CRACD: variants seen among roughly 807,000 people sequenced by gnomAD.
CRACD encodes capping protein inhibiting regulator of actin dynamics.
Under a neutral mutation model 106.8 loss-of-function variants are expected in CRACD, and 56 were observed. The observed-to-expected ratio is 0.52, with a 90% CI of 0.42 to 0.66. The LOEUF (loss-of-function observed/expected upper bound fraction) is 0.66. Ranked by LOEUF, CRACD falls within the 30% of genes least tolerant of loss-of-function variation. The pLI, the probability that CRACD is intolerant of heterozygous loss-of-function variation, is 0.00. For synonymous variants in CRACD, 754 were observed against 670.8 expected (o/e 1.12, Z -1.92); for missense variants, 1,730 against 1,623.2 (o/e 1.07, Z -1.13).
chr4:56,316,028 C>T lies in CRACD; in HGVS notation c.2526C>T (p.Ala842=), dbSNP rs369315241. ...DPVMPGGEEK[A]SPFGIKLRRT... is the part of the protein sequence containing the mutation. Reference sequence around the variant, plus strand: ...TGATGCCAGGTGGAGAGGAAAAAGCCTCACCGTTTGGAATAAAATTGAGAA... The same window carrying T: ...TGATGCCAGGTGGAGAGGAAAAAGCTTCACCGTTTGGAATAAAATTGAGAA... Residue 842 remains alanine, a synonymous_variant, in exon 8 of 11, where the codon GCC becomes GCT. Transcript: ENST00000682029. 1.4e-5 allele frequency: 23 copies of T among 1,614,118 alleles called. No individual in the cohort carries two copies. In the African/African-American group the frequency reaches 1.6e-4, roughly 11 times the overall value.
At chr4:56,161,434 C>A (rs186747226) in intron 1 of CRACD, among the ~76,000 whole-genome samples, 1 of 151,866 alleles carries the variant, frequency 6.6e-6, no homozygotes. Context: ...CAAATGAAAT[C>A]TCTTCATTTT....
rs1425003384 is a variant in CRACD, at chr4:56,310,721, A to T, written c.341A>T (p.Glu114Val). 3.1e-6 allele frequency: 5 copies of T among 1,605,826 alleles called. No homozygotes were observed. Among genetic ancestry groups the T allele is most frequent in the Non-Finnish European group, 4.3e-6 (5 of 1,172,866 alleles). ...SPLNLPGAGSEMEEKVAPVKP... is the reference protein window; with the variant it reads ...SPLNLPGAGSVMEEKVAPVKP... Reference sequence around the variant, plus strand: ...CTGAATCTCCCTGGAGCTGGAAGTGAGATGGAAGAGAAGGTAATATGATTT... The same window carrying T: ...CTGAATCTCCCTGGAGCTGGAAGTGTGATGGAAGAGAAGGTAATATGATTT... The change falls in exon 6 of 11, where the codon GAG becomes GTG. Residue 114 changes from glutamate (E) to valine (V), a missense_variant. Glu to Val is a moderately radical substitution (Grantham distance 121). This residue lies in a region of CRACD where 1,620 missense variants were observed against 1,481.6 expected (regional missense o/e 1.09). Coordinates refer to ENST00000682029, the MANE Select transcript of CRACD (RefSeq NM_001393381.1).
chr4:56,297,127 G>A (rs535650743), intron 3 of CRACD, among the ~76,000 whole-genome samples: 1 of 151,888 alleles, frequency 6.6e-6, no homozygotes, highest in Non-Finnish European at 1.5e-5. Context: ...ATTTTTAGTA[G>A]AGACGGGGTT....
At chr4:56,307,811 T>C (rs1400707661) in intron 5 of CRACD, 112 bp downstream of exon 5, 10 of 1,083,456 alleles carry the variant, frequency 9.2e-6, no homozygotes, top group Admixed American at 2.2e-5. Context: ...GCTTTTCTCA[T>C]GAGTAGCTCA....
intron 6 of CRACD, chr4:56,311,355 G>A (rs993600109): frequency 2.0e-5 from 3 of 152,496 alleles, no homozygotes; most frequent in African/African-American, 4.8e-5. Context: ...TGCTCCTGAA[G>A]AAGGGGATGG....
At chr4:56,167,089 C>A (rs1736182503) in intron 1 of CRACD, among the ~76,000 whole-genome samples, 1 of 152,036 alleles carries the variant, frequency 6.6e-6, no homozygotes, top group Admixed American at 6.6e-5. Flanking sequence ...TTTTTCACTT[C>A]TTGATTTTTC....
chr4:56,325,667 A>G (rs1007972923), intron 10 of CRACD, among the ~76,000 whole-genome samples: 1 of 151,714 alleles, frequency 6.6e-6, no homozygotes, highest in African/African-American at 2.4e-5. Flanking sequence ...AATGTATCCA[A>G]CTATCTCCTT....
chr4:56,150,997 T>C (rs776113528), intron 1 of CRACD, among the ~76,000 whole-genome samples: 2 of 152,140 alleles, frequency 1.3e-5, no homozygotes, highest in Non-Finnish European at 2.9e-5. Context: ...CTTTTTTATA[T>C]ATGTATATAT....
chr4:56,275,496 A>G (rs1356594868), intron 3 of CRACD, among the ~76,000 whole-genome samples: 2 of 152,230 alleles, frequency 1.3e-5, no homozygotes, highest in Non-Finnish European at 2.9e-5. Context: ...ATTAAAAAAT[A>G]CATATTTCTC....
intron 4 of CRACD, among the ~76,000 whole-genome samples, chr4:56,300,597 G>C (rs1036962526): frequency 6.6e-6 from 1 of 152,120 alleles, no homozygotes; most frequent in Non-Finnish European, 1.5e-5. Flanking sequence ...CTAAGAAGTT[G>C]TGAACTTCTG....
intron 2 of CRACD, among the ~76,000 whole-genome samples, chr4:56,200,983 TTAAAG>T (rs1431071566): frequency 6.6e-6 from 1 of 152,204 alleles, no homozygotes; most frequent in Non-Finnish European, 1.5e-5. Context: ...TTGAGGAAGT[TTAAAG>T]AGAAGGAGAA....
At position 56,177,507 on chromosome 4, in the gene CRACD, G is replaced by A. The variant is rs112405504; in HGVS notation, c.-335-1777G>A. Among the ~76,000 whole-genome samples the A allele has an allele frequency of 1.6e-3, 245 of 152,094 alleles. 5 individuals carry two copies. The highest frequency in any genetic ancestry group is 5.5e-3 in the African/African-American group (230 of 41,488). ...GCATCTTTTTTATGTCTTTGGTTTTGGTATGAGGGTAATGATGCCCTTGTA... is the reference window on the plus strand; with the variant it reads ...GCATCTTTTTTATGTCTTTGGTTTTAGTATGAGGGTAATGATGCCCTTGTA... On this transcript the variant is annotated intron_variant, in intron 1 of 10. Transcript: ENST00000682029.
chr4:56,076,290 T>C (rs1049307949), intron 1 of CRACD, among the ~76,000 whole-genome samples: 1 of 152,108 alleles, frequency 6.6e-6, no homozygotes, highest in Non-Finnish European at 1.5e-5. Flanking sequence ...AGAAAATACA[T>C]TTCTGTTGTT....
intron 2 of CRACD, among the ~76,000 whole-genome samples, chr4:56,219,985 G>A (rs1469375626): frequency 1.3e-5 from 2 of 152,214 alleles, no homozygotes; most frequent in Middle Eastern, 6.8e-3. Flanking sequence ...GAAACTAATT[G>A]GGAGTATTTG....
rs1733911309 is a variant in CRACD at position 56,105,249 on chromosome 4, A to AAGCGTGGGAG, written c.-336+55950_-336+55951insAGCGTGGGAG. 2.0e-5 allele frequency among the ~76,000 whole-genome samples: 3 copies of AAGCGTGGGAG among 152,210 alleles called. No homozygotes were observed. In the East Asian group the frequency reaches 5.8e-4, roughly 29 times the overall value. On this transcript the variant is annotated intron_variant, in intron 1 of 10. Coordinates refer to ENST00000682029, the MANE Select transcript of CRACD (RefSeq NM_001393381.1). ...CAAAGTGGCTGACGCTTGTAATCCC[A>AAGCGTGGGAG]GCACTGTGGGAGGCCAAGGCGGGTG...
intron 3 of CRACD, among the ~76,000 whole-genome samples, chr4:56,282,092 G>A (rs547320996): frequency 6.6e-6 from 1 of 152,254 alleles, no homozygotes; most frequent in Admixed American, 6.5e-5. Context: ...ATATTTAATT[G>A]CTCTTTAACA....
chr4:56,176,405 A>G (rs1249082712), intron 1 of CRACD, among the ~76,000 whole-genome samples: 2 of 150,556 alleles, frequency 1.3e-5, no homozygotes, highest in African/African-American at 4.9e-5. Context: ...CTTTCAAACT[A>G]TGAGCATGGA....
intron 2 of CRACD, chr4:56,196,313 A>C (rs193053798): frequency 2.0e-5 from 3 of 152,994 alleles, no homozygotes; most frequent in East Asian, 1.9e-4. Flanking sequence ...CTTTGTGCTC[A>C]TAGATTTGCA....
chr4:56,306,920 A>G (rs948816847), intron 4 of CRACD, among the ~76,000 whole-genome samples: 10 of 152,312 alleles, frequency 6.6e-5, no homozygotes, highest in African/African-American at 2.4e-4. Flanking sequence ...AGTATTGATC[A>G]TGGAAAGACT....
Sources: allele counts gnomAD v4.1 joint callset (sites outside exome capture counted in the v4.1 genomes callset), GRCh38; gene constraint gnomAD v4.1.1; regional missense constraint gnomAD v4.1.1; transcripts MANE v1.5; gene names NCBI Gene and HGNC (gene_info 2026-07-23, HGNC 2026-07-21).